Variants in KIF2C observed in about 807,000 individuals in gnomAD.
KIF2C encodes the protein kinesin-like protein KIF2C.
Under a neutral mutation model 97.4 loss-of-function variants are expected in KIF2C, and 34 were observed. That is an observed-to-expected ratio of 0.35 (90% CI 0.27 to 0.46). The LOEUF (loss-of-function observed/expected upper bound fraction) is 0.46. Ranked by LOEUF, KIF2C falls within the 20% of genes least tolerant of loss-of-function variation. KIF2C has a pLI of 1.00. For synonymous variants in KIF2C, 313 were observed against 318.2 expected (o/e 0.98, Z 0.17); for missense variants, 750 against 907.6 (o/e 0.83, Z 2.23).
chr1:44,764,454 G>GGT (rs1650339365), intron 19 of KIF2C, among the ~76,000 whole-genome samples: 1 of 152,050 alleles, frequency 6.6e-6, no homozygotes, highest in Non-Finnish European at 1.5e-5. Flanking sequence ...TGGGATTACA[G>GGT]GTGTGAGCCA....
chr1:44,759,077 A>G (rs2148831125), intron 13 of KIF2C, 129 bp from the exon 14 acceptor site: 3 of 1,159,586 alleles, frequency 2.6e-6, no homozygotes, highest in East Asian at 2.4e-5. Flanking sequence ...GCTGACATCC[A>G]TCAGTTCGTA....
In KIF2C at chr1:44,761,933, A is replaced by C; in HGVS notation, c.1701A>C (p.Pro567=). The C allele has an allele frequency of 3.1e-6, 5 of 1,614,128 alleles. No homozygotes were observed. The highest frequency in any genetic ancestry group is 4.2e-6 in the Non-Finnish European group (5 of 1,179,990). Reference sequence around the variant, plus strand: ...TTTTGCAGATTGCCACGATCTCACCAGGCATAAGCTCCTGTGAATATACTT... The same window carrying C: ...TTTTGCAGATTGCCACGATCTCACCCGGCATAAGCTCCTGTGAATATACTT... The part of the protein sequence containing the change: ...SRTCMIATIS[P]GISSCEYTLN... Residue 567 remains proline, a synonymous_variant, in exon 17 of 21, where the codon CCA becomes CCC. Transcript: ENST00000372224.
At chr1:44,752,133 A>ATTTTT (rs1176639607) in intron 5 of KIF2C, among the ~76,000 whole-genome samples, 5 of 81,466 alleles carry the variant, frequency 6.1e-5, no homozygotes, top group Admixed American at 1.5e-4. Flanking sequence ...ATTAAATTGA[A>ATTTTT]TTTTTTTTTT....
At chr1:44,747,744 G>T (rs1374953671) in intron 4 of KIF2C, 44 bp downstream of exon 4, 6 of 1,570,080 alleles carry the variant, frequency 3.8e-6, no homozygotes, top group Admixed American at 1.7e-5. Context: ...ATTTGTGTCA[G>T]GAATTATGTT....
At position 44,762,431 on chromosome 1, in the gene KIF2C, G is replaced by A. The variant is rs745695065; in HGVS notation, c.1837G>A (p.Gly613Arg). ...AGAAGAGATGGAAGCCTGCTCTAAC[G>A]GGGCGCTGATTCCAGGCAATGTAAG... ...ETEEMEACSN[G>R]ALIPGNLSKE... The change falls in exon 18 of 21, where the codon GGG (glycine) becomes AGG (arginine). Residue 613 changes from glycine (G) to arginine (R), a missense_variant. Physicochemically the swap from Gly to Arg is moderately radical, Grantham distance 125. Coordinates refer to ENST00000372224, the MANE Select transcript of KIF2C (RefSeq NM_006845.4). The A allele has an allele frequency of 3.8e-5, 61 of 1,614,016 alleles. No homozygotes were observed. The highest frequency in any genetic ancestry group is 1.6e-4 in the Middle Eastern group (1 of 6,084).
chr1:44,759,367 G>C lies in KIF2C; in HGVS notation c.1367+19G>C. ...CCTGCAGGTGAGAGTCCTGGTGAGG[G>C]GAAGGAGCGACCTTCTCATGTCTGG... On this transcript the variant is annotated intron_variant, in intron 14 of 20. Transcript: ENST00000372224. The C allele has an allele frequency of 2.5e-6, 4 of 1,613,626 alleles. No homozygotes were observed. The highest frequency in any genetic ancestry group is 3.3e-4 in the Middle Eastern group (2 of 6,056).
intron 8 of KIF2C, among the ~76,000 whole-genome samples, chr1:44,755,111 C>T (rs911225520): frequency 3.9e-5 from 6 of 151,992 alleles, no homozygotes; most frequent in African/African-American, 1.2e-4. Flanking sequence ...TGCATTCCAC[C>T]GCACCCTACT....
Position 44,753,719 on chromosome 1 carries a change from T to C in KIF2C, c.563-14T>C. 1.9e-6 allele frequency: 3 copies of C among 1,555,902 alleles called. No individual in the cohort carries two copies. The highest frequency in any genetic ancestry group is 2.6e-6 in the Non-Finnish European group (3 of 1,147,798). On this transcript the variant is annotated splice_polypyrimidine_tract_variant and intron_variant, in intron 6 of 20. Transcript: ENST00000372224. ...GGCTTCCTTTTTTTTTCTTTTTTTT[T>C]TATGTTTTCATAGTTCGGAGGAAAT...
intron 2 of KIF2C, among the ~76,000 whole-genome samples, chr1:44,745,241 T>TA (rs1385007650): frequency 6.6e-6 from 1 of 151,724 alleles, no homozygotes; most frequent in Non-Finnish European, 1.5e-5. Context: ...TCTCTGTAGT[T>TA]TAGGGGTTAG....
rs1274046001 is a variant in KIF2C at position 44,750,387 on chromosome 1, CT to C, written c.317-54del. On this transcript the variant is annotated intron_variant, in intron 4 of 20. Coordinates refer to ENST00000372224, the MANE Select transcript of KIF2C (RefSeq NM_006845.4). ...TGTACAGAAACTTGGAGGTTTGCCC[CT>C]GACCACCCTCGAGATCGTGCAGCAC... 4.5e-6 allele frequency: 6 copies of C among 1,326,160 alleles called. No homozygotes were observed. In the African/African-American group the frequency reaches 7.5e-5, roughly 17 times the overall value. The allele number at this position is 1,326,160 out of a possible 1,614,324, so 82.1% of individuals were successfully genotyped here.
At chr1:44,740,102 C>A in intron 1 of KIF2C, 100 bp downstream of exon 1, 2 of 1,350,140 alleles carry the variant, frequency 1.5e-6, no homozygotes, top group Non-Finnish European at 2.1e-6. Context: ...CACTCTCTTT[C>A]TCTCCCTCCC....
In KIF2C at chr1:44,766,980, C is replaced by T. The variant is rs376522982; in HGVS notation, c.2095+31C>T. ...TGTGGCTGGATGGGGTGCAGGTGGA[C>T]GATGGTGGCCTCTGCTGGCTCTTGG... On this transcript the variant is annotated intron_variant, in intron 20 of 20. Coordinates refer to ENST00000372224, the MANE Select transcript of KIF2C (RefSeq NM_006845.4). The T allele has an allele frequency of 4.4e-5, 71 of 1,613,396 alleles. No individual in the cohort carries two copies. In the African/African-American group the frequency reaches 7.1e-4, roughly 16 times the overall value.
rs1424565142 is a variant in KIF2C at position 44,747,848 on chromosome 1, A to G, written c.316+148A>G. 4.3e-6 allele frequency: 3 copies of G among 698,544 alleles called. No individual in the cohort carries two copies. The Admixed American group carries it at 8.8e-5, about 21-fold the overall frequency. 43.3% of individuals were successfully genotyped at this position (698,544 alleles called of 1,614,324 possible). On this transcript the variant is annotated intron_variant, in intron 4 of 20. Transcript: ENST00000372224. Reference sequence around the variant, plus strand: ...GTTCCAAGCATCTTTCTCTATGAGAAAGAATCCAATCTACAGCTATCAGGC... The same window carrying G: ...GTTCCAAGCATCTTTCTCTATGAGAGAGAATCCAATCTACAGCTATCAGGC...
chr1:44,761,631 A>G (rs1272217672), intron 16 of KIF2C, among the ~76,000 whole-genome samples: 1 of 151,946 alleles, frequency 6.6e-6, no homozygotes, highest in East Asian at 1.9e-4. Context: ...AAAAAAGAAA[A>G]AGATAGGACC....
Position 44,754,808 on chromosome 1 carries a change from C to T in KIF2C, c.722C>T (p.Ala241Val). The T allele has an allele frequency of 6.2e-7, 1 of 1,613,036 alleles. No individual in the cohort carries two copies. Among genetic ancestry groups the T allele is most frequent in the Non-Finnish European group, 8.5e-7 (1 of 1,179,006 alleles). Residue 241 changes from alanine (A) to valine (V), a missense_variant, in exon 8 of 21, where the codon GCT becomes GTT. Transcript: ENST00000372224. ...GCCCGAATGATTAAAGAATTTCGGG[C>T]TACTTTGGAATGTCATCCACTTACT... The part of the protein sequence containing the change: ...EFARMIKEFR[A>V]TLECHPLTMT...
rs775625338 is a variant in KIF2C at position 44,767,093 on chromosome 1, C to A, written c.2096-4C>A. The A allele has an allele frequency of 1.2e-6, 2 of 1,613,898 alleles. No homozygotes were observed. The highest frequency in any genetic ancestry group is 1.7e-6 in the Non-Finnish European group (2 of 1,179,940). On this transcript the variant is annotated splice_region_variant and splice_polypyrimidine_tract_variant and intron_variant, in intron 20 of 20. Transcript: ENST00000372224. ...CCCATATGTACCGCTACCCTTTCTT[C>A]CAGATGTCATCAAGGCCTTGCGCCT... is the stretch of plus-strand genomic sequence containing the variant.
chr1:44,754,894 C>A (rs76670103), intron 8 of KIF2C, 49 bp downstream of exon 8: 42,276 of 1,109,826 alleles, frequency 0.038, 1,065 homozygotes, highest in Middle Eastern at 0.097. Flanking sequence ...AATTGAGAGA[C>A]AGAAAACTTC....
At chr1:44,751,060 A>T (rs546688525) in intron 5 of KIF2C, among the ~76,000 whole-genome samples, 11 of 152,356 alleles carry the variant, frequency 7.2e-5, no homozygotes, top group African/African-American at 2.6e-4. Flanking sequence ...TGTAACTAAC[A>T]TGATCAGAGC....
Position 44,759,314 on chromosome 1 carries a change from G to A in KIF2C, c.1333G>A (p.Val445Ile), listed in dbSNP as rs757373921. The A allele has an allele frequency of 2.5e-6, 4 of 1,614,088 alleles. No individual in the cohort carries two copies. Among genetic ancestry groups the A allele is most frequent in the East Asian group, 2.2e-5 (1 of 44,902 alleles). ...GCATCTGGTTAACTCTGCTGATGAT[G>A]TCATCAAGATGATCGACATGGGCAG... Reference protein sequence around the residue: ...QEHLVNSADDVIKMIDMGSAC... With the variant: ...QEHLVNSADDIIKMIDMGSAC... The change falls in exon 14 of 21, where the codon GTC (valine) becomes ATC (isoleucine). Residue 445 changes from valine to isoleucine, a missense_variant. Val to Ile is a conservative substitution (Grantham distance 29, BLOSUM62 3). Transcript: ENST00000372224.
Sources: allele counts gnomAD v4.1 joint callset (sites outside exome capture counted in the v4.1 genomes callset), GRCh38; gene constraint gnomAD v4.1.1; transcripts MANE v1.5; gene names NCBI Gene and HGNC (gene_info 2026-07-23, HGNC 2026-07-21).